The following RYR2 variants were observed in gnomAD, a reference collection of about 807,000 sequenced individuals.
RYR2 encodes the protein ryanodine receptor 2.
Under a neutral mutation model 601.1 loss-of-function variants are expected in RYR2, and 227 were observed. That is an observed-to-expected ratio of 0.38 (90% CI 0.34 to 0.42). The LOEUF is 0.42. Ranked by LOEUF, RYR2 falls within the 10% of genes least tolerant of loss-of-function variation. RYR2 has a pLI of 1.00. For missense variants in RYR2, 4,646 were observed against 6,156.5 expected (o/e 0.75, Z 8.21); for synonymous variants, 2,223 against 2,175.1 (o/e 1.02, Z -0.61).
intron 78 of RYR2, 121 bp downstream of exon 78, chr1:237,732,270 G>A (rs1469819733): frequency 1.8e-6 from 1 of 550,718 alleles, no homozygotes; most frequent in East Asian, 3.1e-5. Context: ...AGAGAGAATT[G>A]TTCAAAGATA....
Position 237,356,048 on chromosome 1 carries a change from C to G in RYR2, c.294+63C>G. On this transcript the variant is annotated intron_variant, in intron 4 of 104. Coordinates refer to ENST00000366574, the MANE Select transcript of RYR2 (RefSeq NM_001035.3). ...TAAAAGTGCATGCTTGCTCTCGCCT[C>G]TAATCTTTCATTTTGCTTCCTAGTG... 3 of 1,466,720 alleles carry G rather than the reference C, an allele frequency of 2.0e-6. No homozygotes were observed. In the South Asian group the frequency reaches 3.6e-5, roughly 17 times the overall value. 90.9% of individuals were successfully genotyped at this position (1,466,720 alleles called of 1,614,324 possible).
At chr1:237,595,731 G>A in intron 34 of RYR2, 74 bp downstream of exon 34, 1 of 1,510,558 alleles carries the variant, frequency 6.6e-7, no homozygotes, top group Non-Finnish European at 8.8e-7. Context: ...AACACAGTTT[G>A]TAAGATCAAA....
In RYR2 at chr1:237,654,274, C is replaced by T. The variant is rs767568460; in HGVS notation, c.7825C>T (p.Leu2609=). Residue 2609 remains leucine, a splice_region_variant and synonymous_variant, in exon 52 of 105, where the codon CTG becomes TTG. Coordinates refer to ENST00000366574, the MANE Select transcript of RYR2 (RefSeq NM_001035.3). ...LNEHAKMPLK[L]LTNHYERCWK... ...CTTTTATAATTGTTTTCCCACATAG[C>T]TGCTGACAAATCATTATGAAAGATG... The T allele has an allele frequency of 6.2e-6, 10 of 1,613,292 alleles. No homozygotes were observed. The highest frequency in any genetic ancestry group is 7.6e-6 in the Non-Finnish European group (9 of 1,179,548).
intron 1 of RYR2, among the ~76,000 whole-genome samples, chr1:237,050,548 G>A (rs996026671): frequency 6.6e-6 from 1 of 152,064 alleles, no homozygotes; most frequent in Non-Finnish European, 1.5e-5. Context: ...AACATTTTTG[G>A]TATTTTAAGA....
chr1:237,408,982 G>A (rs12240094), intron 10 of RYR2, among the ~76,000 whole-genome samples: 62,131 of 151,878 alleles, frequency 0.41, 13,864 homozygotes, highest in East Asian at 0.71. Context: ...TTCATTGCTG[G>A]TATAGAAGAA....
chr1:237,532,228 G>A (rs1199648822), intron 25 of RYR2, among the ~76,000 whole-genome samples: 1 of 152,040 alleles, frequency 6.6e-6, no homozygotes, highest in Non-Finnish European at 1.5e-5. Context: ...TAGTAAGATG[G>A]ATTTAGGTAT....
At chr1:237,086,769 G>A (rs556511864) in intron 1 of RYR2, among the ~76,000 whole-genome samples, 2 of 152,134 alleles carry the variant, frequency 1.3e-5, no homozygotes, top group East Asian at 1.9e-4. Flanking sequence ...GGGAGGAAAG[G>A]TCACAGGCAG....
chr1:237,326,235 G>T (rs1696162208), intron 2 of RYR2, among the ~76,000 whole-genome samples: 1 of 151,756 alleles, frequency 6.6e-6, no homozygotes, highest in Non-Finnish European at 1.5e-5. Context: ...ACTATACAGT[G>T]TTTGCCAGGC....
chr1:237,563,785 T>C (rs2779396), intron 27 of RYR2, among the ~76,000 whole-genome samples: 79,768 of 151,850 alleles, frequency 0.53, 23,016 homozygotes, highest in Admixed American at 0.66. Context: ...ATTTGATTTG[T>C]GCTAATATTA....
chr1:237,170,099 C>T (rs1315760591), intron 1 of RYR2, among the ~76,000 whole-genome samples: 4 of 152,020 alleles, frequency 2.6e-5, no homozygotes, highest in Non-Finnish European at 5.9e-5. Flanking sequence ...AAGGTATTTG[C>T]AGGCAGCATT....
chr1:237,774,566 C>A (rs117327818), intron 87 of RYR2, among the ~76,000 whole-genome samples: 2 of 152,042 alleles, frequency 1.3e-5, no homozygotes, highest in Non-Finnish European at 2.9e-5. Context: ...GGAAGAGGAA[C>A]CTTATTTCAG....
At position 237,590,884 on chromosome 1, in the gene RYR2, A is replaced by G; in HGVS notation, c.4052A>G (p.His1351Arg). ...SDFEVLMKTA[H>R]GHLVPDRVDK... ...TTTGAGGTTCTGATGAAGACAGCTC[A>G]TGGCCATCTAGTGCCCGATCGTGTT... is the stretch of plus-strand genomic sequence containing the variant. The change falls in exon 31 of 105, where the codon CAT becomes CGT. Residue 1351 changes from histidine (H) to arginine (R), a missense_variant. His to Arg is a conservative substitution (Grantham distance 29). Transcript: ENST00000366574. 2 of 1,613,898 alleles carry G rather than the reference A, an allele frequency of 1.2e-6. No homozygotes were observed. Among genetic ancestry groups the G allele is most frequent in the East Asian group, 2.2e-5 (1 of 44,850 alleles).
In RYR2 at chr1:237,162,922, T is replaced by G. The variant is rs181766529; in HGVS notation, c.49-107575T>G. On this transcript the variant is annotated intron_variant, in intron 1 of 104. Coordinates refer to ENST00000366574, the MANE Select transcript of RYR2 (RefSeq NM_001035.3). ...GGGTGGCTACTAAGCAATCTGAGAC[T>G]CTCCAAGGGAAAGAGGCTTCATCTC... is the stretch of plus-strand genomic sequence containing the variant. Among the ~76,000 whole-genome samples, 13 of 152,182 alleles carry G rather than the reference T, an allele frequency of 8.5e-5. No individual in the cohort carries two copies. In the East Asian group the frequency reaches 2.5e-3, roughly 29 times the overall value.
chr1:237,191,545 G>A (rs1679968454), intron 1 of RYR2, among the ~76,000 whole-genome samples: 2 of 152,160 alleles, frequency 1.3e-5, no homozygotes, highest in South Asian at 2.1e-4. Context: ...AATGTGAGCT[G>A]TTGGATAGAA....
At chr1:237,680,688 C>T (rs1347929816) in intron 62 of RYR2, 111 bp downstream of exon 62, 3 of 694,756 alleles carry the variant, frequency 4.3e-6, no homozygotes, top group African/African-American at 3.6e-5. Flanking sequence ...TGCCCATTTC[C>T]CTGGTCCGTG....
chr1:237,050,681 C>G (rs945949464), intron 1 of RYR2, among the ~76,000 whole-genome samples: 1 of 151,802 alleles, frequency 6.6e-6, no homozygotes, highest in East Asian at 1.9e-4. Flanking sequence ...AATGCATAAC[C>G]AAAGATATAA....
intron 63 of RYR2, among the ~76,000 whole-genome samples, chr1:237,696,468 T>C (rs542468178): frequency 3.0e-4 from 46 of 152,216 alleles, no homozygotes; most frequent in African/African-American, 1.1e-3. Flanking sequence ...ACCCACGATG[T>C]TTAGAATTAA....
chr1:237,662,571 T>C (rs1454043525), intron 56 of RYR2, among the ~76,000 whole-genome samples: 2 of 151,786 alleles, frequency 1.3e-5, no homozygotes, highest in African/African-American at 2.4e-5. Context: ...TCATGAAAAA[T>C]AAGGTAGATT....
intron 89 of RYR2, among the ~76,000 whole-genome samples, chr1:237,783,039 G>C (rs1356307832): frequency 6.6e-6 from 1 of 152,206 alleles, no homozygotes; most frequent in Non-Finnish European, 1.5e-5. Flanking sequence ...TGATCCTGTA[G>C]TTCAGGAATC....
Sources: allele counts gnomAD v4.1 joint callset (sites outside exome capture counted in the v4.1 genomes callset), GRCh38; gene constraint gnomAD v4.1.1; transcripts MANE v1.5; gene names NCBI Gene and HGNC (gene_info 2026-07-23, HGNC 2026-07-21).